Variants in FRMD4A observed in about 807,000 individuals in gnomAD.
FRMD4A encodes the protein FERM domain containing 4A, also known as FERM domain-containing protein 4A.
In FRMD4A, 29 loss-of-function variants were observed where a neutral mutation model predicts 129.1. The observed-to-expected ratio is 0.22, with a 90% CI of 0.17 to 0.31. The LOEUF is 0.31. Among genes scored for constraint, FRMD4A ranks in the 10% least tolerant of loss-of-function variants. The probability of loss-of-function intolerance (pLI) is 1.00; values close to 1 mark genes in which losing one functional copy is unlikely to be tolerated. For missense variants in FRMD4A, 1,272 were observed against 1,375.8 expected (o/e 0.92, Z 1.19); for synonymous variants, 634 against 571.6 (o/e 1.11, Z -1.56).
intron 14 of FRMD4A, among the ~76,000 whole-genome samples, chr10:13,696,836 A>G (rs1172270561): frequency 6.6e-6 from 1 of 152,182 alleles, no homozygotes; most frequent in African/African-American, 2.4e-5. Flanking sequence ...TCTCAGATAC[A>G]TGTTTGTAAA....
chr10:14,034,884 G>A (rs1464297329), intron 2 of FRMD4A, among the ~76,000 whole-genome samples: 1 of 152,162 alleles, frequency 6.6e-6, no homozygotes, highest in African/African-American at 2.4e-5. Flanking sequence ...TTCCTGGTGG[G>A]AGGACATGCC....
At chr10:13,844,401 T>C (rs150966042) in intron 3 of FRMD4A, among the ~76,000 whole-genome samples, 1 of 152,298 alleles carries the variant, frequency 6.6e-6, no homozygotes, top group East Asian at 1.9e-4. Context: ...ATTATTACAG[T>C]TCTAAAACAC....
chr10:14,326,417 G>C (rs970163304), intron 2 of FRMD4A: 3 of 153,188 alleles, frequency 2.0e-5, no homozygotes, highest in Non-Finnish European at 4.4e-5. Flanking sequence ...TGCTTCATCA[G>C]TTTCACTTAT....
At chr10:13,810,270 A>G (rs1290671937) in intron 4 of FRMD4A, among the ~76,000 whole-genome samples, 1 of 152,250 alleles carries the variant, frequency 6.6e-6, no homozygotes, top group African/African-American at 2.4e-5. Flanking sequence ...CCTTACTTGT[A>G]TTACACAACA....
chr10:14,013,243 C>T (rs1387356006), intron 2 of FRMD4A, among the ~76,000 whole-genome samples: 1 of 152,210 alleles, frequency 6.6e-6, no homozygotes, highest in African/African-American at 2.4e-5. Context: ...TTGAGCCATA[C>T]TTCCTTGTAA....
At chr10:13,829,361 C>T (rs1020554045) in intron 3 of FRMD4A, among the ~76,000 whole-genome samples, 2 of 151,832 alleles carry the variant, frequency 1.3e-5, no homozygotes, top group Admixed American at 6.6e-5. Context: ...CCCATCTCCA[C>T]AAAAAATAAA....
intron 3 of FRMD4A, among the ~76,000 whole-genome samples, chr10:13,827,862 C>T (rs1436651917): frequency 6.6e-6 from 1 of 152,158 alleles, no homozygotes; most frequent in African/African-American, 2.4e-5. Context: ...CTGCCTGCTT[C>T]GGGGAGCCCT....
At chr10:14,046,027 T>C (rs1158804978) in intron 2 of FRMD4A, among the ~76,000 whole-genome samples, 1 of 150,920 alleles carries the variant, frequency 6.6e-6, no homozygotes, top group African/African-American at 2.4e-5. Flanking sequence ...ATATTACATA[T>C]TATCAATATG....
At chr10:13,935,859 G>C (rs894203257) in intron 2 of FRMD4A, among the ~76,000 whole-genome samples, 1 of 152,206 alleles carries the variant, frequency 6.6e-6, no homozygotes, top group East Asian at 1.9e-4. Context: ...AGTAGAAAAA[G>C]CAAGACTCAA....
At chr10:14,309,832 G>A (rs1339443216) in intron 2 of FRMD4A, among the ~76,000 whole-genome samples, 1 of 152,112 alleles carries the variant, frequency 6.6e-6, no homozygotes, top group African/African-American at 2.4e-5. Context: ...AAGAATCTGT[G>A]GTGAATCCTC....
chr10:13,735,182 G>GT lies in FRMD4A; in HGVS notation c.759+2661dup, dbSNP rs772861848. Reference sequence around the variant, plus strand: ...GCCACTGCGCCCGGCCACAATAACTGTTTTTTTGAGCGAATGAATGAGTGA... The same window carrying GT: ...GCCACTGCGCCCGGCCACAATAACTGTTTTTTTTGAGCGAATGAATGAGTGA... On this transcript the variant is annotated intron_variant, in intron 12 of 24. Coordinates refer to ENST00000357447, the MANE Select transcript of FRMD4A (RefSeq NM_018027.5). 3.0e-3 allele frequency among the ~76,000 whole-genome samples: 455 copies of GT among 152,196 alleles called. 1 individual carries two copies. Among genetic ancestry groups the GT allele is most frequent in the Non-Finnish European group, 3.9e-3 (267 of 67,994 alleles).
intron 12 of FRMD4A, among the ~76,000 whole-genome samples, chr10:13,730,859 C>CAAAAAAAAAAAAAAAAAAAAAA (rs10639026): frequency 1.1e-5 from 1 of 90,854 alleles, no homozygotes; most frequent in Non-Finnish European, 2.1e-5. Context: ...ACTAAAAATA[C>CAAAAAAAAAAAAAAAAAAAAAA]AAAAAAAAAA....
chr10:13,802,943 T>C (rs1300780604), intron 4 of FRMD4A, among the ~76,000 whole-genome samples: 1 of 151,760 alleles, frequency 6.6e-6, no homozygotes, highest in Non-Finnish European at 1.5e-5. Flanking sequence ...AAGCCAGGAG[T>C]TCGAGACCAG....
chr10:14,318,064 T>C (rs909375376), intron 2 of FRMD4A, among the ~76,000 whole-genome samples: 1 of 152,300 alleles, frequency 6.6e-6, no homozygotes, highest in Middle Eastern at 3.4e-3. Flanking sequence ...CAAATAGTTG[T>C]TGATACAGGT....
intron 3 of FRMD4A, among the ~76,000 whole-genome samples, chr10:13,851,743 T>C (rs968086079): frequency 3.3e-5 from 5 of 151,554 alleles, no homozygotes; most frequent in Non-Finnish European, 7.4e-5. Context: ...CTACTAAAAA[T>C]ACAAAAATTA....
chr10:14,093,074 A>G (rs1836748945), intron 2 of FRMD4A, among the ~76,000 whole-genome samples: 1 of 152,150 alleles, frequency 6.6e-6, no homozygotes, highest in South Asian at 2.1e-4. Context: ...GGTAGGGGGC[A>G]CGGACGGGGA....
chr10:14,072,764 T>C (rs1182609130), intron 2 of FRMD4A, among the ~76,000 whole-genome samples: 1 of 152,214 alleles, frequency 6.6e-6, no homozygotes, highest in East Asian at 1.9e-4. Flanking sequence ...TCCATATCAG[T>C]ACATCTCCAT....
chr10:14,204,224 G>C (rs763663731), intron 2 of FRMD4A, among the ~76,000 whole-genome samples: 3 of 147,860 alleles, frequency 2.0e-5, no homozygotes, highest in Non-Finnish European at 4.4e-5. Context: ...AAGAGTTCAA[G>C]ACCAGCCTGG....
At chr10:14,254,588 A>G (rs1342153635) in intron 2 of FRMD4A, among the ~76,000 whole-genome samples, 1 of 152,042 alleles carries the variant, frequency 6.6e-6, no homozygotes, top group Non-Finnish European at 1.5e-5. Context: ...TTTCTTTACA[A>G]TGTGGGGTTC....
Sources: gnomAD v4.1 joint callset for allele counts (sites outside exome capture counted in the v4.1 genomes callset) on GRCh38, gnomAD v4.1.1 for gene constraint, MANE v1.5 for transcripts, NCBI Gene and HGNC (gene_info 2026-07-23, HGNC 2026-07-21) for gene names.